The following ARHGAP35 variants were observed in gnomAD, a reference collection of about 807,000 sequenced individuals.
ARHGAP35 encodes the protein rho GTPase-activating protein 35.
Under a neutral mutation model 111.1 loss-of-function variants are expected in ARHGAP35, and 15 were observed. The observed-to-expected ratio is 0.13, with a 90% confidence interval of 0.09 to 0.21. The LOEUF is 0.21. Among genes scored for constraint, ARHGAP35 ranks in the 10% least tolerant of loss-of-function variants. ARHGAP35 has a pLI of 1.00. For synonymous variants in ARHGAP35, 643 were observed against 710.3 expected, an observed-to-expected ratio of 0.91 and a Z score of 1.51; for missense variants, 1,262 against 1,873.0, an observed-to-expected ratio of 0.67 and a Z score of 6.02.
intron 1 of ARHGAP35, among the ~76,000 whole-genome samples, chr19:46,871,309 A>G (rs1457338304): frequency 6.6e-6 from 1 of 152,214 alleles, no homozygotes; most frequent in Non-Finnish European, 1.5e-5. Context: ...CCTGCAAACA[A>G]GTGTGAACTT....
intron 1 of ARHGAP35, among the ~76,000 whole-genome samples, chr19:46,866,610 C>T (rs1370278906): frequency 6.6e-6 from 1 of 152,154 alleles, no homozygotes; most frequent in Non-Finnish European, 1.5e-5. Flanking sequence ...GAGCTTAGGA[C>T]TAAGCTCCTG....
Position 46,999,434 on chromosome 19 carries a change from G to T in ARHGAP35, c.4142+25G>T. The T allele has an allele frequency of 6.8e-7, 1 of 1,478,856 alleles. No individual in the cohort carries two copies. The highest frequency in any genetic ancestry group is 1.2e-5 in the South Asian group (1 of 82,680). 91.6% of individuals were successfully genotyped at this position (1,478,856 alleles called of 1,614,324 possible). Reference sequence around the variant, plus strand: ...AGTAAGTCGCAGGGCCTTCTGGTTGGTTTTTCCTCCTGAAAATTGACAGCC... The same window carrying T: ...AGTAAGTCGCAGGGCCTTCTGGTTGTTTTTTCCTCCTGAAAATTGACAGCC... On this transcript the variant is annotated intron_variant, in intron 6 of 6. Coordinates refer to ENST00000672722, the MANE Select transcript of ARHGAP35 (RefSeq NM_004491.5). The surrounding 1 kb of genome is among the most constrained non-coding windows in gnomAD (Gnocchi z 5.4).
At chr19:46,876,705 G>T (rs1358946436) in intron 1 of ARHGAP35, among the ~76,000 whole-genome samples, 1 of 151,126 alleles carries the variant, frequency 6.6e-6, no homozygotes, top group African/African-American at 2.4e-5. Context: ...ACGGGGACTC[G>T]CTGTGTTGCC....
At chr19:46,985,129 A>C (rs2056642221) in intron 3 of ARHGAP35, among the ~76,000 whole-genome samples, 1 of 152,234 alleles carries the variant, frequency 6.6e-6, no homozygotes, top group African/African-American at 2.4e-5. Context: ...TTTTCAAATT[A>C]GGAGATGAAG....
chr19:46,905,563 C>A (rs191672252), intron 1 of ARHGAP35, among the ~76,000 whole-genome samples: 3 of 137,854 alleles, frequency 2.2e-5, no homozygotes, highest in Admixed American at 1.4e-4. Context: ...CCACCCCCCC[C>A]CCCCAAGACA....
Position 46,989,786 on chromosome 19 carries a change from G to C in ARHGAP35, c.4036+111G>C. 1 of 1,532,544 alleles carries C rather than the reference G, an allele frequency of 6.5e-7. No homozygotes were observed. The allele number at this position is 1,532,544 out of a possible 1,614,324, so 94.9% of individuals were successfully genotyped here. On this transcript the variant is annotated intron_variant, in intron 5 of 6. Transcript: ENST00000672722. The surrounding 1 kb of genome is among the most constrained non-coding windows in gnomAD (Gnocchi z 5.3). ...CTGGCTGTTAGAGCTGAGGTTTGAA[G>C]GACAGAGGGCAAGGGAATTAACCAG...
At chr19:46,976,337 C>T (rs1379235524) in intron 3 of ARHGAP35, among the ~76,000 whole-genome samples, 6 of 151,586 alleles carry the variant, frequency 4.0e-5, no homozygotes, top group Non-Finnish European at 8.8e-5. Context: ...GCAGTCAGCT[C>T]GCCAGCTCTT....
chr19:46,873,716 A>G (rs898669565), intron 1 of ARHGAP35, among the ~76,000 whole-genome samples: 7 of 151,340 alleles, frequency 4.6e-5, no homozygotes, highest in African/African-American at 1.7e-4. Flanking sequence ...GGCCAAAAAC[A>G]TCATTTTAAT....
chr19:46,961,038 GC>G (rs1198057009), intron 3 of ARHGAP35, among the ~76,000 whole-genome samples: 1 of 151,990 alleles, frequency 6.6e-6, no homozygotes, highest in Non-Finnish European at 1.5e-5. Flanking sequence ...GGGATTACCG[GC>G]GCCTGCCACC....
chr19:46,937,604 C>T (rs2056316992), intron 3 of ARHGAP35, among the ~76,000 whole-genome samples, 196 bp downstream of exon 3: 1 of 152,152 alleles, frequency 6.6e-6, no homozygotes, highest in Non-Finnish European at 1.5e-5. Context: ...TGTCGTTGGG[C>T]ATTTATTAGG....
chr19:46,990,589 G>A (rs952831065), intron 5 of ARHGAP35, among the ~76,000 whole-genome samples: 5 of 152,222 alleles, frequency 3.3e-5, no homozygotes, highest in Admixed American at 2.6e-4. Flanking sequence ...ACCAGAGGGT[G>A]GGGAAGAGGA....
At chr19:46,911,068 C>T (rs930247652) in intron 1 of ARHGAP35, among the ~76,000 whole-genome samples, 7 of 152,354 alleles carry the variant, frequency 4.6e-5, no homozygotes, top group Middle Eastern at 3.4e-3. Flanking sequence ...TGAGCCCCGA[C>T]TGCCCATCTC....
intron 1 of ARHGAP35, among the ~76,000 whole-genome samples, chr19:46,899,542 A>G (rs2056073721): frequency 6.6e-6 from 1 of 152,006 alleles, no homozygotes; most frequent in Non-Finnish European, 1.5e-5. Context: ...AAAAAAATAC[A>G]AAAATTAGCC....
At position 46,986,657 on chromosome 19, in the gene ARHGAP35, G is replaced by A. The variant is rs753884197; in HGVS notation, c.3827-1332G>A. Among the ~76,000 whole-genome samples, 5 of 152,066 alleles carry A rather than the reference G, an allele frequency of 3.3e-5. No individual in the cohort carries two copies. The highest frequency in any genetic ancestry group is 2.1e-4 in the South Asian group (1 of 4,830). On this transcript the variant is annotated intron_variant, in intron 3 of 6. Coordinates refer to ENST00000672722, the MANE Select transcript of ARHGAP35 (RefSeq NM_004491.5). This position sits in a 1 kb window ranked among gnomAD's most constrained non-coding sequence, Gnocchi z 4.3. ...AAGGAAAAATGTAAACATATATAAC[G>A]TTGATATAATTACTTAATATTCATA...
intron 1 of ARHGAP35, among the ~76,000 whole-genome samples, chr19:46,909,292 G>A (rs986973190): frequency 1.3e-5 from 2 of 152,108 alleles, no homozygotes; most frequent in Non-Finnish European, 2.9e-5. Flanking sequence ...AACAGACTAA[G>A]ACCATATTTA....
intron 1 of ARHGAP35, among the ~76,000 whole-genome samples, chr19:46,866,424 G>A (rs941407080): frequency 6.6e-6 from 1 of 152,198 alleles, no homozygotes; most frequent in South Asian, 2.1e-4. Flanking sequence ...AAAAGTACTG[G>A]ATTTATATAA....
At chr19:46,927,425 C>G (rs1393087809) in intron 2 of ARHGAP35, among the ~76,000 whole-genome samples, 1 of 152,126 alleles carries the variant, frequency 6.6e-6, no homozygotes, top group Non-Finnish European at 1.5e-5. Flanking sequence ...CAGGAAAGCT[C>G]CCCAAGGAAA....
At chr19:46,936,067 T>C (rs1256846076) in intron 2 of ARHGAP35, among the ~76,000 whole-genome samples, 2 of 152,082 alleles carry the variant, frequency 1.3e-5, no homozygotes, top group African/African-American at 2.4e-5. Context: ...CTGGGCAACA[T>C]AGTGAGACCC....
At chr19:46,960,879 GAGT>G (rs2056477436) in intron 3 of ARHGAP35, among the ~76,000 whole-genome samples, 1 of 150,286 alleles carries the variant, frequency 6.7e-6, no homozygotes, top group Non-Finnish European at 1.5e-5. Context: ...CTTGACTGGA[GAGT>G]ATTTCTTTGG....
Sources: allele counts gnomAD v4.1 joint callset (sites outside exome capture counted in the v4.1 genomes callset), GRCh38; gene constraint gnomAD v4.1.1; non-coding constraint Gnocchi (gnomAD v3.1); transcripts MANE v1.5; gene names NCBI Gene and HGNC (gene_info 2026-07-23, HGNC 2026-07-21).